Variants in FBXL18 observed in about 807,000 individuals in gnomAD.
FBXL18 encodes the protein F-box/LRR-repeat protein 18.
In FBXL18, 36 loss-of-function variants were observed where a neutral mutation model predicts 46.0. That is an observed-to-expected ratio of 0.78 (90% CI 0.60 to 1.03). The LOEUF (loss-of-function observed/expected upper bound fraction) is 1.03. FBXL18 is among the 50% of genes least tolerant of loss of function. FBXL18 has a pLI of 0.00. For missense variants in FBXL18, 977 were observed against 1,004.1 expected (o/e 0.97, Z 0.36); for synonymous variants, 557 against 465.3 (o/e 1.20, Z -2.54).
intron 4 of FBXL18, among the ~76,000 whole-genome samples, chr7:5,463,723 TATTTA>T (rs1562672253): frequency 9.8e-5 from 7 of 71,202 alleles, no homozygotes; most frequent in South Asian, 5.1e-4. Context: ...TTTATTTATT[TATTTA>T]TTTTTTTTTT....
At chr7:5,454,850 C>T (rs965923952) in intron 4 of FBXL18, among the ~76,000 whole-genome samples, 11 of 152,222 alleles carry the variant, frequency 7.2e-5, no homozygotes, top group Admixed American at 1.3e-4. Flanking sequence ...TGCCCATCAG[C>T]GCAGATGGCC....
At chr7:5,488,592 G>C (rs1156729654) in intron 4 of FBXL18, among the ~76,000 whole-genome samples, 5 of 152,236 alleles carry the variant, frequency 3.3e-5, no homozygotes, top group Non-Finnish European at 5.9e-5. Flanking sequence ...GGCAACAGAA[G>C]AGAGGCAACG....
At chr7:5,464,420 C>T (rs1783311676) in intron 4 of FBXL18, among the ~76,000 whole-genome samples, 1 of 151,888 alleles carries the variant, frequency 6.6e-6, no homozygotes, top group Non-Finnish European at 1.5e-5. Context: ...GCAGAGGTTG[C>T]AGTGAGCCGA....
intron 4 of FBXL18, among the ~76,000 whole-genome samples, chr7:5,463,728 A>ATTTATTTTTTTTT (rs1562672288): frequency 3.8e-4 from 20 of 53,010 alleles, no homozygotes; most frequent in South Asian, 7.4e-4. Flanking sequence ...TTATTTATTT[A>ATTTATTTTTTTTT]TTTTTTTTTT....
chr7:5,469,055 G>T (rs1212116812), intron 4 of FBXL18, among the ~76,000 whole-genome samples: 1 of 152,080 alleles, frequency 6.6e-6, no homozygotes, highest in Non-Finnish European at 1.5e-5. Context: ...AGCAGTGGGG[G>T]TTGTGTGTGT....
chr7:5,481,632 G>A lies in FBXL18; in HGVS notation c.*143C>T, dbSNP rs189622133. The A allele has an allele frequency of 1.5e-5, 12 of 823,800 alleles. No individual in the cohort carries two copies. The highest frequency in any genetic ancestry group is 2.2e-5 in the Admixed American group (1 of 45,574). The allele number at this position is 823,800 out of a possible 1,614,324, so 51.0% of individuals were successfully genotyped here. Reference sequence around the variant, plus strand: ...GTCCCCATGAGAGAGCCGTGGAGACGCCGGGAGCCCCAGGAGCCAGGTGGG... The same window carrying A: ...GTCCCCATGAGAGAGCCGTGGAGACACCGGGAGCCCCAGGAGCCAGGTGGG... On this transcript the variant is annotated 3_prime_UTR_variant, in exon 5 of 5. Transcript: ENST00000382368.
At chr7:5,471,617 A>C (rs1482389170), downstream of FBXL18, among the ~76,000 whole-genome samples, 28 of 152,122 alleles carry the variant, frequency 1.8e-4, no homozygotes, top group African/African-American at 6.3e-4. Flanking sequence ...TCACCGTGTT[A>C]GCCAGGATGG....
Position 5,455,250 on chromosome 7 carries a change from G to GA in FBXL18, c.2001-7408dup, listed in dbSNP as rs1783155543. On this transcript the variant is annotated intron_variant and NMD_transcript_variant, in intron 4 of 6. Transcript: ENST00000415009. The surrounding 1 kb of genome is among the most constrained non-coding windows in gnomAD (Gnocchi z 4.6). ...ATATCTGGGGAGCACTCTTGGGGGG[G>GA]AACATATCTGGGGAGCAGTATCGGG... is the stretch of plus-strand genomic sequence containing the variant. 6.6e-6 allele frequency among the ~76,000 whole-genome samples: 1 copy of GA among 151,862 alleles called. No individual in the cohort carries two copies. Among genetic ancestry groups the GA allele is most frequent in the African/African-American group, 2.4e-5 (1 of 41,342 alleles).
chr7:5,460,728 C>T (rs530668005), intron 4 of FBXL18, among the ~76,000 whole-genome samples: 38 of 152,246 alleles, frequency 2.5e-4, no homozygotes, highest in Non-Finnish European at 3.7e-4. Flanking sequence ...CCTGGGATTA[C>T]AGCCGTGAGC....
chr7:5,503,824 A>G (rs1178595054), intron 2 of FBXL18, among the ~76,000 whole-genome samples: 2 of 151,988 alleles, frequency 1.3e-5, no homozygotes, highest in African/African-American at 4.8e-5. Context: ...AAAATTAGCC[A>G]GATGTGGTGG....
chr7:5,473,686 G>A (rs1031196582), downstream of FBXL18, among the ~76,000 whole-genome samples: 9 of 151,516 alleles, frequency 5.9e-5, no homozygotes, highest in African/African-American at 1.5e-4. Flanking sequence ...GCTTGAACTC[G>A]GGAGGCAGAG....
At chr7:5,458,147 G>A (rs1313157422) in intron 4 of FBXL18, among the ~76,000 whole-genome samples, 1 of 152,034 alleles carries the variant, frequency 6.6e-6, no homozygotes, top group Non-Finnish European at 1.5e-5. Context: ...GGATTTGGCT[G>A]AAGTTTGTCT....
chr7:5,462,057 C>T (rs752170610), intron 4 of FBXL18, among the ~76,000 whole-genome samples: 1 of 152,112 alleles, frequency 6.6e-6, no homozygotes, highest in African/African-American at 2.4e-5. Flanking sequence ...CTGGCCAACA[C>T]AGTGAAGCCC....
intron 3 of FBXL18, among the ~76,000 whole-genome samples, chr7:5,495,115 G>C (rs1340683739): frequency 6.6e-6 from 1 of 152,160 alleles, no homozygotes; most frequent in Non-Finnish European, 1.5e-5. Flanking sequence ...TGGGGACGAG[G>C]AAAAGGCTCC....
intron 4 of FBXL18, among the ~76,000 whole-genome samples, chr7:5,464,663 CAAA>C (rs774631633): frequency 3.4e-5 from 1 of 29,516 alleles, no homozygotes; most frequent in African/African-American, 1.4e-4. Flanking sequence ...ACTCTTATCT[CAAA>C]AAAAAAAAAA....
At chr7:5,468,396 C>T (rs552868837) in intron 4 of FBXL18, among the ~76,000 whole-genome samples, 6 of 152,250 alleles carry the variant, frequency 3.9e-5, no homozygotes, top group East Asian at 3.9e-4. Context: ...GGATTACAGG[C>T]GTGAGCCACC....
intron 2 of FBXL18, among the ~76,000 whole-genome samples, chr7:5,504,956 G>A (rs1784357595): frequency 9.4e-6 from 1 of 106,078 alleles, no homozygotes; most frequent in African/African-American, 3.8e-5. Context: ...AAAAAGAATG[G>A]CTAAAACTTA....
intron 4 of FBXL18, among the ~76,000 whole-genome samples, chr7:5,488,142 C>T (rs1783824189): frequency 6.6e-6 from 1 of 152,260 alleles, no homozygotes; most frequent in African/African-American, 2.4e-5. Context: ...CTTACTGCAT[C>T]CACCTTAGAT....
chr7:5,497,030 CAA>C (rs34719109), intron 3 of FBXL18, among the ~76,000 whole-genome samples: 54 of 69,450 alleles, frequency 7.8e-4, no homozygotes, highest in African/African-American at 1.8e-3. Flanking sequence ...GACTCTGTCT[CAA>C]AAAAAAAAAA....
Sources: allele counts gnomAD v4.1 joint callset (sites outside exome capture counted in the v4.1 genomes callset), GRCh38; gene constraint gnomAD v4.1.1; non-coding constraint Gnocchi (gnomAD v3.1); transcripts MANE v1.5; gene names NCBI Gene and HGNC (gene_info 2026-07-23, HGNC 2026-07-21).